PCDHA4: variants seen among roughly 807,000 people sequenced by gnomAD.
The protein encoded by PCDHA4 is protocadherin alpha 4.
A neutral mutation model predicts 61.4 loss-of-function variants in PCDHA4; 49 were observed. The ratio of observed to expected loss-of-function variants is 0.80; its 90% CI spans 0.63 to 1.01. The LOEUF is 1.01. Among genes scored for constraint, PCDHA4 ranks in the 50% least tolerant of loss-of-function variants. The pLI, the probability that PCDHA4 is intolerant of heterozygous loss-of-function variation, is 0.00. For synonymous variants in PCDHA4, 590 were observed against 550.3 expected (o/e 1.07, Z -1.01); for missense variants, 1,254 against 1,235.8 (o/e 1.01, Z -0.22).
intron 3 of PCDHA4, among the ~76,000 whole-genome samples, chr5:140,984,647 G>C (rs1169327185): frequency 6.6e-6 from 1 of 152,102 alleles, no homozygotes; most frequent in Non-Finnish European, 1.5e-5. Flanking sequence ...CCTTCTCCCT[G>C]TCCTTCTGGT....
At chr5:140,850,291 C>T (rs782425750) in intron 1 of PCDHA4, 1 of 1,596,090 alleles carries the variant, frequency 6.3e-7, no homozygotes, top group African/African-American at 1.3e-5. Flanking sequence ...GCAGTGGACG[C>T]CGACTCGGGC....
At chr5:140,993,510 G>A (rs144120217) in intron 3 of PCDHA4, among the ~76,000 whole-genome samples, 7 of 129,138 alleles carry the variant, frequency 5.4e-5, no homozygotes, top group African/African-American at 1.4e-4. Context: ...ACACACACAC[G>A]GGGAGAGAGA....
intron 1 of PCDHA4, chr5:140,813,180 C>T (rs1554126135): frequency 6.6e-6 from 1 of 152,106 alleles, no homozygotes; most frequent in African/African-American, 2.4e-5. Flanking sequence ...TGTTCAAGTC[C>T]TCTGCTTCCT....
At chr5:140,828,300 A>C in intron 1 of PCDHA4, 1 of 1,614,058 alleles carries the variant, frequency 6.2e-7, no homozygotes, top group Non-Finnish European at 8.5e-7. Context: ...GCCTCCAAAG[A>C]CCGCGAGGAC....
At chr5:140,898,712 T>C (rs1219344656) in intron 1 of PCDHA4, among the ~76,000 whole-genome samples, 2 of 152,206 alleles carry the variant, frequency 1.3e-5, no homozygotes, top group African/African-American at 4.8e-5. Flanking sequence ...AGTAGTTTTT[T>C]CCAATTCTGT....
At chr5:140,823,331 T>G in intron 1 of PCDHA4, 2 of 1,612,068 alleles carry the variant, frequency 1.2e-6, no homozygotes, top group Non-Finnish European at 1.7e-6. Context: ...GTGTACGCGC[T>G]GCAGCCGCTG....
At position 140,822,666 on chromosome 5, in the gene PCDHA4, T is replaced by C. The variant is rs1307479306; in HGVS notation, c.2385+13094T>C. On this transcript the variant is annotated intron_variant, in intron 1 of 3. Transcript: ENST00000530339. The stretch of plus-strand genomic sequence containing the variant: ...AGTCCAAATTTATAATTAATTCTAA[T>C]ACTGGTGAAATAAAAGTTAACGGGG... The C allele has an allele frequency of 3.7e-6, 6 of 1,608,450 alleles. No individual in the cohort carries two copies. In the Admixed American group the frequency reaches 1.0e-4, roughly 27 times the overall value.
intron 1 of PCDHA4, among the ~76,000 whole-genome samples, chr5:140,898,545 C>CCG (rs2153461002): frequency 1.3e-5 from 2 of 152,322 alleles, no homozygotes; most frequent in East Asian, 3.9e-4. Context: ...TTCCATTTAT[C>CCG]TATGTCTCTG....
chr5:141,010,461 G>C lies in PCDHA4; in HGVS notation c.*524G>C. The C allele has an allele frequency of 1.2e-6, 1 of 823,014 alleles. No individual in the cohort carries two copies. The highest frequency in any genetic ancestry group is 1.8e-6 in the Non-Finnish European group (1 of 553,022). The allele number at this position is 823,014 out of a possible 1,614,324, so 51.0% of individuals were successfully genotyped here. A position where few individuals can be genotyped will look rare whatever the true frequency, so the allele number is the denominator to read the frequency against. On this transcript the variant is annotated 3_prime_UTR_variant, in exon 4 of 4. Coordinates refer to ENST00000530339, the MANE Select transcript of PCDHA4 (RefSeq NM_018907.4). ...GACAAATAAACAGCGGAAGTTATCAGTATGGAGGGGAAGTGTAAACTTAAA... is the reference window on the plus strand; with the variant it reads ...GACAAATAAACAGCGGAAGTTATCACTATGGAGGGGAAGTGTAAACTTAAA...
In PCDHA4 at chr5:140,829,378, C is replaced by T. The variant is rs142490526; in HGVS notation, c.2385+19806C>T. 28 of 1,614,180 alleles carry T rather than the reference C, an allele frequency of 1.7e-5. No homozygotes were observed. In the African/African-American group the frequency reaches 2.1e-4, roughly 12 times the overall value. On this transcript the variant is annotated intron_variant, in intron 1 of 3. Transcript: ENST00000530339. ...ATGAGTTGGTGGTAACCGCGCGGGA[C>T]GGGGGCTCGCCTTCGCTGTGGGCCA...
intron 1 of PCDHA4, chr5:140,883,500 G>C (rs1562789727): frequency 6.2e-7 from 1 of 1,614,100 alleles, no homozygotes; most frequent in African/African-American, 1.3e-5. Flanking sequence ...GTGCTGGACA[G>C]CGCCCTGGAC....
rs2150127505 is a variant in PCDHA4 at position 140,823,621 on chromosome 5, A to G, written c.2385+14049A>G. On this transcript the variant is annotated intron_variant, in intron 1 of 3. Transcript: ENST00000530339. ...GTATGAGCTGCAGCCAGCGCCTGGCAGTGCGCGCATCCCGTTCCGCGTGGG... is the reference window on the plus strand; with the variant it reads ...GTATGAGCTGCAGCCAGCGCCTGGCGGTGCGCGCATCCCGTTCCGCGTGGG... 5 of 1,613,864 alleles carry G rather than the reference A, an allele frequency of 3.1e-6. No individual in the cohort carries two copies. The highest frequency in any genetic ancestry group is 1.7e-5 in the Admixed American group (1 of 60,008).
chr5:140,989,630 G>C (rs1483532761), intron 3 of PCDHA4, among the ~76,000 whole-genome samples: 4 of 152,228 alleles, frequency 2.6e-5, no homozygotes, highest in Admixed American at 2.6e-4. Context: ...CCTAGTGACA[G>C]CAAGGGTCTT....
intron 1 of PCDHA4, among the ~76,000 whole-genome samples, chr5:140,891,848 C>T (rs2063280221): frequency 6.6e-6 from 1 of 152,158 alleles, no homozygotes; most frequent in East Asian, 1.9e-4. Flanking sequence ...ATGGAAGGAG[C>T]CTGTCCCTCT....
intron 1 of PCDHA4, chr5:140,927,232 G>A (rs1554204208): frequency 6.2e-7 from 1 of 1,614,104 alleles, no homozygotes; most frequent in African/African-American, 1.3e-5. Flanking sequence ...TCGGATTCAC[G>A]TCCTGGACAC....
intron 1 of PCDHA4, among the ~76,000 whole-genome samples, chr5:140,917,076 T>C (rs986884478): frequency 1.3e-5 from 2 of 152,124 alleles, no homozygotes; most frequent in East Asian, 3.9e-4. Flanking sequence ...CCGAGTTTAA[T>C]GTAAAGTTCC....
intron 1 of PCDHA4, among the ~76,000 whole-genome samples, chr5:140,932,345 C>G (rs1332373274): frequency 6.6e-6 from 1 of 151,820 alleles, no homozygotes; most frequent in African/African-American, 2.4e-5. Context: ...AAACACTTAC[C>G]ATACAACTGG....
At chr5:140,837,029 A>G (rs1774885010) in intron 1 of PCDHA4, 1 of 233,596 alleles carries the variant, frequency 4.3e-6, no homozygotes, top group Admixed American at 5.1e-5. Context: ...TCTATAGTGT[A>G]TTTACAAAAT....
rs372392810 is a variant in PCDHA4, at chr5:140,953,521, C to T, written c.2386-25428C>T. On this transcript the variant is annotated intron_variant, in intron 1 of 3. Coordinates refer to ENST00000530339, the MANE Select transcript of PCDHA4 (RefSeq NM_018907.4). Reference sequence around the variant, plus strand: ...AGCTATTAGGCCAAAGCAACAAAAACGGGAAACTCACTTCATGCTGATTCT... The same window carrying T: ...AGCTATTAGGCCAAAGCAACAAAAATGGGAAACTCACTTCATGCTGATTCT... 2.0e-5 allele frequency among the ~76,000 whole-genome samples: 3 copies of T among 152,230 alleles called. No individual in the cohort carries two copies. In the East Asian group the frequency reaches 5.8e-4, roughly 29 times the overall value.
Sources: allele counts gnomAD v4.1 joint callset (sites outside exome capture counted in the v4.1 genomes callset), GRCh38; gene constraint gnomAD v4.1.1; transcripts MANE v1.5; gene names NCBI Gene and HGNC (gene_info 2026-07-23, HGNC 2026-07-21).